Variants in ABCA10 observed in about 807,000 individuals in gnomAD.
ABCA10 encodes the protein ATP-binding cassette sub-family A member 10.
A neutral mutation model predicts 187.5 loss-of-function variants in ABCA10; 169 were observed. The ratio of observed to expected loss-of-function variants is 0.90; its 90% confidence interval spans 0.80 to 1.02. ABCA10 has a LOEUF of 1.02. Ranked by LOEUF, ABCA10 falls within the 50% of genes least tolerant of loss-of-function variation. The probability of loss-of-function intolerance (pLI) is 0.00; values close to 1 mark genes in which losing one functional copy is unlikely to be tolerated. For missense variants in ABCA10, 1,727 were observed against 1,812.4 expected (o/e 0.95, Z 0.86); for synonymous variants, 574 against 601.8 (o/e 0.95, Z 0.68).
chr17:69,193,120 G>A lies in ABCA10; in HGVS notation c.1770C>T (p.Asp590=), dbSNP rs1023400963. ...GAAGCCAAGAATCACCAGCCAAGAT[G>A]TCAGCCTCATCCATGAATTGGGTAC... ...LFSTQFMDEA[D]ILADRKVFLS... Residue 590 remains aspartate (D), a synonymous_variant, in exon 15 of 39, where the codon GAC becomes GAT. Coordinates refer to ENST00000690296, the MANE Select transcript of ABCA10 (RefSeq NM_001377321.1). The A allele has an allele frequency of 6.2e-7, 1 of 1,606,866 alleles. No individual in the cohort carries two copies. Among genetic ancestry groups the A allele is most frequent in the African/African-American group, 1.3e-5 (1 of 74,604 alleles).
intron 10 of ABCA10, among the ~76,000 whole-genome samples, chr17:69,200,993 G>A (rs1422684932): frequency 6.6e-6 from 1 of 152,208 alleles, no homozygotes; most frequent in East Asian, 1.9e-4. Context: ...GATTACAGGT[G>A]TGAGCCCCTG....
chr17:69,239,286 C>CA (rs200912057), intron 1 of ABCA10, among the ~76,000 whole-genome samples: 2,583 of 152,256 alleles, frequency 0.017, 73 homozygotes, highest in African/African-American at 0.058. Flanking sequence ...GACTGGAAGA[C>CA]AGAGGCCTTA....
chr17:69,212,693 G>C (rs1358782744), intron 9 of ABCA10, among the ~76,000 whole-genome samples: 1 of 152,168 alleles, frequency 6.6e-6, no homozygotes, highest in Non-Finnish European at 1.5e-5. Flanking sequence ...TGTTGGACTA[G>C]TCCTTTTATT....
chr17:69,220,345 G>C (rs935035084), intron 5 of ABCA10, among the ~76,000 whole-genome samples: 2 of 152,110 alleles, frequency 1.3e-5, no homozygotes, highest in Admixed American at 6.6e-5. Flanking sequence ...AGAGGTTCCT[G>C]CCACAAAAAC....
At chr17:69,215,150 C>T (rs1449647057) in intron 8 of ABCA10, among the ~76,000 whole-genome samples, 1 of 152,032 alleles carries the variant, frequency 6.6e-6, no homozygotes. Flanking sequence ...ATATAACATA[C>T]TTTGGGAAGG....
At chr17:69,159,035 T>C (rs1481681850) in intron 27 of ABCA10, among the ~76,000 whole-genome samples, 3 of 151,716 alleles carry the variant, frequency 2.0e-5, no homozygotes, top group Admixed American at 6.6e-5. Context: ...ATAAAATATA[T>C]CCAGAAGATT....
At chr17:69,199,437 G>C (rs2074528142) in intron 10 of ABCA10, among the ~76,000 whole-genome samples, 1 of 152,214 alleles carries the variant, frequency 6.6e-6, no homozygotes, top group Non-Finnish European at 1.5e-5. Context: ...AATGATCAAA[G>C]AGTTCCTGGT....
chr17:69,179,089 GCT>G (rs1352048127), intron 22 of ABCA10: 2 of 151,872 alleles, frequency 1.3e-5, no homozygotes. Context: ...AGATTAAAGA[GCT>G]CTATCTGTTG....
In ABCA10 at chr17:69,182,236, G is replaced by T; in HGVS notation, c.2686C>A (p.Leu896Ile). The T allele has an allele frequency of 6.3e-7, 1 of 1,595,852 alleles. No homozygotes were observed. ...AGGGCATTGCTAACAATTCCCATAA[G>T]AACAGGAAAACAATTCAATTTCTTG... ...NTKKLNCFPV[L>I]MGIVSNALMG... is the part of the protein sequence containing the mutation. The change falls in exon 22 of 39, where the codon CTT becomes ATT. Residue 896 changes from leucine (L) to isoleucine (I), a missense_variant. By Grantham distance (5) the Leu-to-Ile change is conservative (BLOSUM62 2). Transcript: ENST00000690296.
intron 1 of ABCA10, among the ~76,000 whole-genome samples, chr17:69,235,191 T>C (rs1233796160): frequency 1.3e-5 from 2 of 152,206 alleles, no homozygotes; most frequent in Admixed American, 6.5e-5. Flanking sequence ...ATCAATAAAA[T>C]TTACTTTCAA....
rs984816872 is a variant in ABCA10 at position 69,192,914 on chromosome 17, C to G, written c.1780+196G>C. 2.0e-5 allele frequency among the ~76,000 whole-genome samples: 3 copies of G among 152,192 alleles called. No individual in the cohort carries two copies. The South Asian group carries it at 6.2e-4, about 32-fold the overall frequency. On this transcript the variant is annotated intron_variant, in intron 15 of 38. Transcript: ENST00000690296. ...CCTGATTCTTCACCTCTTCCTTTGT[C>G]CACATACTTTGCCATGTAACTTTGC...
At chr17:69,154,426 T>C in intron 30 of ABCA10, 100 bp from the exon 31 acceptor site, 2 of 856,284 alleles carry the variant, frequency 2.3e-6, no homozygotes, top group East Asian at 2.7e-5. Context: ...ATGACTTTTT[T>C]TTTTTTTTTT....
At chr17:69,156,544 A>G (rs2074175718) in intron 28 of ABCA10, among the ~76,000 whole-genome samples, 1 of 152,206 alleles carries the variant, frequency 6.6e-6, no homozygotes, top group Admixed American at 6.5e-5. Flanking sequence ...TGCAATAAAG[A>G]CTAAATATTT....
rs752584242 is a variant in ABCA10 at position 69,164,957 on chromosome 17, T to C, written c.3282+7A>G. On this transcript the variant is annotated splice_region_variant and intron_variant, in intron 26 of 38. Transcript: ENST00000690296. ...AGACTGGAGACACAGTAGGTAACAC[T>C]GCTTACCTGGATCAATAACATGACA... 2.5e-6 allele frequency: 4 copies of C among 1,612,786 alleles called. No individual in the cohort carries two copies. Among genetic ancestry groups the C allele is most frequent in the Non-Finnish European group, 2.5e-6 (3 of 1,179,152 alleles).
In ABCA10 at chr17:69,220,853, T is replaced by C. The variant is rs184542292; in HGVS notation, c.303+939A>G. On this transcript the variant is annotated intron_variant, in intron 5 of 38. Coordinates refer to ENST00000690296, the MANE Select transcript of ABCA10 (RefSeq NM_001377321.1). Reference sequence around the variant, plus strand: ...CAGGCACACTCATTTGTTTGTGTTATCTACAGCGGCTTTCATACTACAACA... The same window carrying C: ...CAGGCACACTCATTTGTTTGTGTTACCTACAGCGGCTTTCATACTACAACA... Among the ~76,000 whole-genome samples the C allele has an allele frequency of 2.0e-3, 308 of 152,342 alleles. 1 individual carries two copies. Among genetic ancestry groups the C allele is most frequent in the African/African-American group, 7.0e-3 (291 of 41,580 alleles).
intron 10 of ABCA10, 55 bp downstream of exon 10, chr17:69,201,445 T>G: frequency 1.5e-6 from 2 of 1,377,858 alleles, no homozygotes; most frequent in Non-Finnish European, 1.9e-6. Context: ...ACCTGCAGCT[T>G]CATTTACTAA....
chr17:69,243,621 GGTACAGTGGTTCACACCT>G (rs2074920075), intron 1 of ABCA10, among the ~76,000 whole-genome samples: 1 of 152,186 alleles, frequency 6.6e-6, no homozygotes, highest in Non-Finnish European at 1.5e-5. Context: ...TTGAAGGCCA[GGTACAGTGGTTCACACCT>G]GTAATTCCGA....
At chr17:69,208,445 T>C (rs955105037) in intron 9 of ABCA10, among the ~76,000 whole-genome samples, 115 of 135,742 alleles carry the variant, frequency 8.5e-4, no homozygotes, top group Admixed American at 1.7e-3. Flanking sequence ...AAAAAAAGAA[T>C]GTATTAGGAA....
intron 22 of ABCA10, 138 bp from the exon 23 acceptor site, chr17:69,175,651 G>T: frequency 1.6e-6 from 1 of 642,766 alleles, no homozygotes; most frequent in Non-Finnish European, 2.5e-6. Context: ...AAGCAAACAT[G>T]TTTTGTTAAC....
Sources: gnomAD v4.1 joint callset for allele counts (sites outside exome capture counted in the v4.1 genomes callset) on GRCh38, gnomAD v4.1.1 for gene constraint, MANE v1.5 for transcripts, NCBI Gene and HGNC (gene_info 2026-07-23, HGNC 2026-07-21) for gene names.